Variants in CNTNAP2 observed in about 807,000 individuals in gnomAD.
CNTNAP2 encodes the protein contactin-associated protein-like 2.
A neutral mutation model predicts 155.2 loss-of-function variants in CNTNAP2; 98 were observed. The ratio of observed to expected loss-of-function variants is 0.63; its 90% CI spans 0.54 to 0.75. The LOEUF is 0.75. CNTNAP2 is among the 30% of genes least tolerant of loss of function. The pLI, the probability that CNTNAP2 is intolerant of heterozygous loss-of-function variation, is 0.00. For synonymous variants in CNTNAP2, 651 were observed against 631.2 expected (o/e 1.03, Z -0.47); for missense variants, 1,727 against 1,688.1 (o/e 1.02, Z -0.40).
intron 3 of CNTNAP2, among the ~76,000 whole-genome samples, chr7:146,977,758 C>T (rs935038225): frequency 4.6e-5 from 7 of 152,134 alleles, no homozygotes; most frequent in Non-Finnish European, 8.8e-5. Context: ...CAACTGAAAA[C>T]TGCAATTGTC....
At chr7:147,614,162 G>A (rs1801240142) in intron 12 of CNTNAP2, among the ~76,000 whole-genome samples, 1 of 152,106 alleles carries the variant, frequency 6.6e-6, no homozygotes, top group South Asian at 2.1e-4. Flanking sequence ...AATTGTCTCT[G>A]CATTGTTCTT....
chr7:148,365,770 A>ATGCG (rs776889902), intron 21 of CNTNAP2, among the ~76,000 whole-genome samples: 1,823 of 92,038 alleles, frequency 0.02, 664 homozygotes, highest in Non-Finnish European at 0.029. Flanking sequence ...GTATACGTGT[A>ATGCG]TACATGTATG....
intron 13 of CNTNAP2, among the ~76,000 whole-genome samples, chr7:147,666,868 T>A (rs1368083565): frequency 1.3e-5 from 2 of 152,188 alleles, no homozygotes; most frequent in East Asian, 3.8e-4. Context: ...ATAGCCATGA[T>A]CTCAAAGAAT....
chr7:147,037,961 G>A (rs549807201), intron 3 of CNTNAP2, among the ~76,000 whole-genome samples: 1 of 152,242 alleles, frequency 6.6e-6, no homozygotes, highest in African/African-American at 2.4e-5. Context: ...GCTTCAGTTA[G>A]GAAAATGTCT....
chr7:146,296,251 T>C (rs1243331561), intron 1 of CNTNAP2, among the ~76,000 whole-genome samples: 1 of 152,060 alleles, frequency 6.6e-6, no homozygotes, highest in Non-Finnish European at 1.5e-5. Context: ...AGTTTCTTTA[T>C]CTCCCCATTC....
chr7:146,968,603 T>G (rs964202513), intron 3 of CNTNAP2, among the ~76,000 whole-genome samples: 1 of 151,662 alleles, frequency 6.6e-6, no homozygotes, highest in Non-Finnish European at 1.5e-5. Flanking sequence ...TGCATAGAGG[T>G]GTTTGTAGTA....
At chr7:147,000,613 T>C (rs1433190232) in intron 3 of CNTNAP2, among the ~76,000 whole-genome samples, 2 of 152,132 alleles carry the variant, frequency 1.3e-5, no homozygotes, top group African/African-American at 4.8e-5. Flanking sequence ...GCTATTGCAG[T>C]ACTAGGGGGT....
At chr7:147,973,576 G>C (rs1253538646) in intron 14 of CNTNAP2, among the ~76,000 whole-genome samples, 2 of 152,042 alleles carry the variant, frequency 1.3e-5, no homozygotes, top group Non-Finnish European at 2.9e-5. Flanking sequence ...ATAGATTAGG[G>C]GTAAATGTGA....
At position 146,409,171 on chromosome 7, in the gene CNTNAP2, C is replaced by T. The variant is rs189362636; in HGVS notation, c.97+292198C>T. On this transcript the variant is annotated intron_variant, in intron 1 of 23. Coordinates refer to ENST00000361727, the MANE Select transcript of CNTNAP2 (RefSeq NM_014141.6). ...ATAAATTCCATGAAGTCATTCAAGA[C>T]GTCATTTTAATTTTGAGTCAGTGTT... Among the ~76,000 whole-genome samples, 4 of 152,224 alleles carry T rather than the reference C, an allele frequency of 2.6e-5. No individual in the cohort carries two copies. The East Asian group carries it at 5.8e-4, about 22-fold the overall frequency.
At chr7:147,821,008 TAAAA>T (rs1033051976) in intron 13 of CNTNAP2, among the ~76,000 whole-genome samples, 1 of 151,968 alleles carries the variant, frequency 6.6e-6, no homozygotes, top group Non-Finnish European at 1.5e-5. Context: ...AGCTTTTGTC[TAAAA>T]AAAGAGAAAA....
At chr7:147,194,305 C>A (rs912926827) in intron 8 of CNTNAP2, among the ~76,000 whole-genome samples, 2 of 152,128 alleles carry the variant, frequency 1.3e-5, no homozygotes, top group Admixed American at 1.3e-4. Flanking sequence ...TGTATATGTA[C>A]CACATTTTCT....
chr7:147,752,720 G>A (rs1584938115), intron 13 of CNTNAP2, among the ~76,000 whole-genome samples: 4 of 152,182 alleles, frequency 2.6e-5, no homozygotes, highest in East Asian at 3.8e-4. Context: ...TGTGATCATA[G>A]CGTCATGAGC....
At chr7:148,362,520 T>C (rs1798644522) in intron 21 of CNTNAP2, among the ~76,000 whole-genome samples, 2 of 152,134 alleles carry the variant, frequency 1.3e-5, no homozygotes, top group African/African-American at 4.8e-5. Flanking sequence ...TGGCCACCCT[T>C]GTGGCGCTGA....
At chr7:147,270,428 G>A (rs1034371236) in intron 8 of CNTNAP2, among the ~76,000 whole-genome samples, 7 of 152,134 alleles carry the variant, frequency 4.6e-5, no homozygotes, top group Non-Finnish European at 1.0e-4. Flanking sequence ...AAATAGATAC[G>A]AAAATTAAGT....
In CNTNAP2 at chr7:148,118,189, A is replaced by T; in HGVS notation, c.2455A>T (p.Thr819Ser). The change falls in exon 16 of 24, where the codon ACT becomes TCT. Residue 819 changes from threonine to serine, a missense_variant. Transcript: ENST00000361727. ...YLHFSTFQGE[T>S]SADISFYFKT... ...GCACTTCTCTACTTTCCAAGGGGAAACTAGCGCTGACATTTCTTTCTACTT... is the reference window on the plus strand; with the variant it reads ...GCACTTCTCTACTTTCCAAGGGGAATCTAGCGCTGACATTTCTTTCTACTT... The T allele has an allele frequency of 6.2e-7, 1 of 1,614,196 alleles. No individual in the cohort carries two copies. Among genetic ancestry groups the T allele is most frequent in the Non-Finnish European group, 8.5e-7 (1 of 1,180,034 alleles).
At chr7:147,687,434 A>G (rs1376146454) in intron 13 of CNTNAP2, among the ~76,000 whole-genome samples, 2 of 152,080 alleles carry the variant, frequency 1.3e-5, no homozygotes, top group African/African-American at 2.4e-5. Context: ...TTAATGAAGT[A>G]AGAAGCTGAG....
At chr7:147,879,125 A>G (rs556367038) in intron 13 of CNTNAP2, among the ~76,000 whole-genome samples, 1 of 152,314 alleles carries the variant, frequency 6.6e-6, no homozygotes, top group African/African-American at 2.4e-5. Flanking sequence ...ATTTCTGAAC[A>G]TGGTAATTTT....
chr7:148,162,690 T>C (rs1278057452), intron 17 of CNTNAP2, among the ~76,000 whole-genome samples: 1 of 152,240 alleles, frequency 6.6e-6, no homozygotes, highest in East Asian at 1.9e-4. Context: ...TCAGCCATCC[T>C]TGTAGCTTTA....
chr7:147,191,628 A>G (rs902257589), intron 8 of CNTNAP2, among the ~76,000 whole-genome samples: 1 of 152,276 alleles, frequency 6.6e-6, no homozygotes, highest in East Asian at 1.9e-4. Context: ...GAAGACATTT[A>G]TATATAGGAC....
Sources: gnomAD v4.1 joint callset for allele counts (sites outside exome capture counted in the v4.1 genomes callset) on GRCh38, gnomAD v4.1.1 for gene constraint, MANE v1.5 for transcripts, NCBI Gene and HGNC (gene_info 2026-07-23, HGNC 2026-07-21) for gene names.